Variants in LRRC4C observed in about 807,000 individuals in gnomAD.
LRRC4C encodes the protein leucine-rich repeat-containing protein 4C.
Under a neutral mutation model 33.6 loss-of-function variants are expected in LRRC4C, and 5 were observed. That is an observed-to-expected ratio of 0.15 (90% CI 0.08 to 0.31). The LOEUF is 0.31. LRRC4C is among the 10% of genes least tolerant of loss of function. LRRC4C has a pLI of 1.00. For synonymous variants in LRRC4C, 329 were observed against 302.0 expected, an observed-to-expected ratio of 1.09 and a Z score of -0.93; for missense variants, 560 against 796.7, an observed-to-expected ratio of 0.70 and a Z score of 3.58.
intron 4 of LRRC4C, among the ~76,000 whole-genome samples, chr11:40,308,455 T>C (rs1353266604): frequency 6.6e-6 from 1 of 152,216 alleles, no homozygotes; most frequent in Admixed American, 6.5e-5. Flanking sequence ...TGTGGCTATG[T>C]CTCATACATG....
At chr11:41,382,521 T>C (rs926976770) in intron 1 of LRRC4C, among the ~76,000 whole-genome samples, 2 of 151,990 alleles carry the variant, frequency 1.3e-5, no homozygotes, top group Admixed American at 6.6e-5. Flanking sequence ...GCTTGGAAAA[T>C]AATAGGTTTT....
intron 3 of LRRC4C, among the ~76,000 whole-genome samples, chr11:40,623,696 T>C (rs1962672523): frequency 6.6e-6 from 1 of 152,126 alleles, no homozygotes; most frequent in Non-Finnish European, 1.5e-5. Context: ...TCCTGGCTGC[T>C]GGATGACATG....
At chr11:41,271,782 G>GA (rs934661821) in intron 1 of LRRC4C, among the ~76,000 whole-genome samples, 2 of 151,880 alleles carry the variant, frequency 1.3e-5, no homozygotes, top group Middle Eastern at 6.8e-3. Context: ...ATAGTAGGTT[G>GA]AAAAAAAAGT....
chr11:40,812,692 C>A (rs1261978242), intron 2 of LRRC4C, among the ~76,000 whole-genome samples: 1 of 152,000 alleles, frequency 6.6e-6, no homozygotes, highest in African/African-American at 2.4e-5. Context: ...ACTCTAATGG[C>A]ATACATCCCA....
At chr11:41,418,305 A>C (rs1565657789) in intron 1 of LRRC4C, among the ~76,000 whole-genome samples, 1 of 152,036 alleles carries the variant, frequency 6.6e-6, no homozygotes, top group Non-Finnish European at 1.5e-5. Context: ...GCCATTCACA[A>C]GAAATATTAC....
chr11:41,424,644 C>T (rs181001739), intron 1 of LRRC4C, among the ~76,000 whole-genome samples: 5 of 151,916 alleles, frequency 3.3e-5, no homozygotes, highest in African/African-American at 9.7e-5. Flanking sequence ...AAAAGCAAAT[C>T]GAGATTTGAC....
At chr11:41,315,141 T>C (rs1311900465) in intron 1 of LRRC4C, among the ~76,000 whole-genome samples, 1 of 152,164 alleles carries the variant, frequency 6.6e-6, no homozygotes, top group Non-Finnish European at 1.5e-5. Flanking sequence ...AGTTCAGTCA[T>C]GAAAAAAAAT....
At chr11:41,414,218 C>T (rs1954595480) in intron 1 of LRRC4C, among the ~76,000 whole-genome samples, 1 of 152,102 alleles carries the variant, frequency 6.6e-6, no homozygotes, top group African/African-American at 2.4e-5. Context: ...TTCCTATGTT[C>T]CCGAATTTGA....
chr11:40,927,419 A>T (rs1235588609), intron 2 of LRRC4C, among the ~76,000 whole-genome samples: 1 of 152,094 alleles, frequency 6.6e-6, no homozygotes. Context: ...ATTATCAAAC[A>T]TATAGTCCTT....
chr11:40,571,883 A>C (rs1413962437), intron 3 of LRRC4C, among the ~76,000 whole-genome samples: 1 of 152,158 alleles, frequency 6.6e-6, no homozygotes, highest in Admixed American at 6.6e-5. Flanking sequence ...CAACAAACAG[A>C]GCCTTTCTCT....
At position 40,649,092 on chromosome 11, in the gene LRRC4C, G is replaced by A. The variant is rs373130012; in HGVS notation, c.-406-814C>T. 1.7e-4 allele frequency among the ~76,000 whole-genome samples: 26 copies of A among 152,280 alleles called. 1 individual carries two copies. In the East Asian group the frequency reaches 2.3e-3, roughly 14 times the overall value. On this transcript the variant is annotated intron_variant, in intron 2 of 6. Transcript: ENST00000528697. ...AAGGCAAAACAAAACTACTGATAAAGGTCTGTGTTCAGCTGTGCATGTATT... is the reference window on the plus strand; with the variant it reads ...AAGGCAAAACAAAACTACTGATAAAAGTCTGTGTTCAGCTGTGCATGTATT...
At chr11:40,927,694 C>A (rs763180495) in intron 2 of LRRC4C, among the ~76,000 whole-genome samples, 14 of 151,718 alleles carry the variant, frequency 9.2e-5, no homozygotes, top group Non-Finnish European at 1.8e-4. Flanking sequence ...CCTCTTCGGG[C>A]AGTTAAAAAT....
chr11:40,385,887 T>TAAATAAATAAATAAATAAATA (rs529477379), intron 3 of LRRC4C, among the ~76,000 whole-genome samples: 277 of 148,008 alleles, frequency 1.9e-3, no homozygotes, highest in South Asian at 3.2e-3. Flanking sequence ...AATAAATAAA[T>TAAATAAATAAATAAATAAATA]AAATAAAATA....
At chr11:40,487,983 T>A (rs1953951622) in intron 3 of LRRC4C, among the ~76,000 whole-genome samples, 1 of 152,082 alleles carries the variant, frequency 6.6e-6, no homozygotes, top group Non-Finnish European at 1.5e-5. Context: ...AACATCCACA[T>A]TAAGGATGAG....
At chr11:40,818,502 G>A (rs1309680047) in intron 2 of LRRC4C, among the ~76,000 whole-genome samples, 2 of 151,952 alleles carry the variant, frequency 1.3e-5, no homozygotes, top group Non-Finnish European at 2.9e-5. Flanking sequence ...ATAACATAAA[G>A]TGCTATTATC....
intron 4 of LRRC4C, among the ~76,000 whole-genome samples, chr11:40,246,663 G>A (rs1423976402): frequency 6.6e-6 from 1 of 151,834 alleles, no homozygotes; most frequent in African/African-American, 2.4e-5. Flanking sequence ...TAATAATTCT[G>A]GTTTGAGCCC....
intron 1 of LRRC4C, among the ~76,000 whole-genome samples, chr11:41,199,888 C>T (rs1946335517): frequency 6.6e-6 from 1 of 152,084 alleles, no homozygotes; most frequent in African/African-American, 2.4e-5. Context: ...TCAGAAAGCC[C>T]AGATAAAATA....
chr11:41,198,819 G>A (rs1259343439), intron 1 of LRRC4C, among the ~76,000 whole-genome samples: 1 of 152,054 alleles, frequency 6.6e-6, no homozygotes, highest in Non-Finnish European at 1.5e-5. Context: ...TCTCACATAA[G>A]TATAAGGAGG....
At chr11:40,677,112 G>T (rs117976741) in intron 2 of LRRC4C, among the ~76,000 whole-genome samples, 13 of 152,068 alleles carry the variant, frequency 8.5e-5, no homozygotes, top group Non-Finnish European at 1.6e-4. Context: ...TTTGCTGGGC[G>T]TGGTGGCTCA....
Sources: gnomAD v4.1 joint callset for allele counts (sites outside exome capture counted in the v4.1 genomes callset) on GRCh38, gnomAD v4.1.1 for gene constraint, MANE v1.5 for transcripts, NCBI Gene and HGNC (gene_info 2026-07-23, HGNC 2026-07-21) for gene names.